The following CEPT1 variants were observed in gnomAD, a reference collection of about 807,000 sequenced individuals.
The protein encoded by CEPT1 is choline/ethanolamine phosphotransferase 1, also known as choline/ethanolaminephosphotransferase 1.
CEPT1 carries 7 observed loss-of-function variants against 42.6 expected under a neutral mutation model. The ratio of observed to expected loss-of-function variants is 0.16; its 90% CI spans 0.09 to 0.31. CEPT1 has a LOEUF of 0.31. Ranked by LOEUF, CEPT1 falls within the 10% of genes least tolerant of loss-of-function variation. The pLI, the probability that CEPT1 is intolerant of heterozygous loss-of-function variation, is 1.00. For missense variants in CEPT1, 306 were observed against 502.1 expected, an observed-to-expected ratio of 0.61 and a Z score of 3.73; for synonymous variants, 171 against 171.9, an observed-to-expected ratio of 0.99 and a Z score of 0.04.
chr1:111,181,295 T>G (rs183064405), intron 5 of CEPT1: 1 of 152,358 alleles, frequency 6.6e-6, no homozygotes, highest in Non-Finnish European at 1.5e-5. Flanking sequence ...ACTGTTGCTT[T>G]CTTTTCAATC....
chr1:111,175,004 G>C (rs1227965184), intron 5 of CEPT1, 41 bp downstream of exon 5: 1 of 1,194,592 alleles, frequency 8.4e-7, no homozygotes, highest in Non-Finnish European at 1.3e-6. Flanking sequence ...AATGCATGTT[G>C]TCTTTTGCTT....
intron 4 of CEPT1, among the ~76,000 whole-genome samples, chr1:111,164,502 C>G (rs1027146058): frequency 1.3e-5 from 2 of 152,116 alleles, no homozygotes; most frequent in Non-Finnish European, 2.9e-5. Flanking sequence ...GCAAAATACT[C>G]TTTAAGATAT....
At chr1:111,142,268 A>G (rs1015913735) in intron 1 of CEPT1, among the ~76,000 whole-genome samples, 2 of 152,142 alleles carry the variant, frequency 1.3e-5, no homozygotes, top group African/African-American at 4.8e-5. Flanking sequence ...GCACAAAGAA[A>G]ATTCTTTGTC....
intron 1 of CEPT1, among the ~76,000 whole-genome samples, chr1:111,140,780 G>T (rs571575697): frequency 4.6e-5 from 7 of 152,224 alleles, no homozygotes; most frequent in Non-Finnish European, 1.0e-4. Flanking sequence ...TAGGAATGCG[G>T]TGCTGATGTT....
intron 1 of CEPT1, among the ~76,000 whole-genome samples, chr1:111,145,650 G>A (rs928997449): frequency 2.6e-5 from 4 of 152,156 alleles, no homozygotes; most frequent in African/African-American, 9.7e-5. Context: ...ATGTTTTGTG[G>A]CATGTGACCC....
intron 4 of CEPT1, among the ~76,000 whole-genome samples, chr1:111,162,115 C>T (rs1655905704): frequency 6.6e-6 from 1 of 152,152 alleles, no homozygotes; most frequent in Non-Finnish European, 1.5e-5. Flanking sequence ...AATCAAGGTC[C>T]TGTGCTCTGC....
At chr1:111,141,456 T>C (rs1415457460) in intron 1 of CEPT1, among the ~76,000 whole-genome samples, 1 of 152,188 alleles carries the variant, frequency 6.6e-6, no homozygotes, top group Non-Finnish European at 1.5e-5. Context: ...TATTGCACAA[T>C]TTCTTTGTTT....
intron 4 of CEPT1, among the ~76,000 whole-genome samples, chr1:111,164,302 A>G (rs1309042968): frequency 6.6e-6 from 1 of 152,212 alleles, no homozygotes. Flanking sequence ...TACCTTGCAC[A>G]GAGAATATGA....
At chr1:111,165,356 C>T (rs1009245901) in intron 4 of CEPT1, among the ~76,000 whole-genome samples, 2 of 150,516 alleles carry the variant, frequency 1.3e-5, no homozygotes, top group African/African-American at 4.9e-5. Context: ...CCTAAAACAT[C>T]GGTCTTAAAA....
chr1:111,146,102 G>T (rs553847950), intron 1 of CEPT1, among the ~76,000 whole-genome samples: 284 of 144,998 alleles, frequency 2.0e-3, no homozygotes, highest in African/African-American at 6.9e-3. Context: ...TTTTTAAATG[G>T]TCTCTGTTCC....
intron 1 of CEPT1, among the ~76,000 whole-genome samples, chr1:111,145,323 T>A (rs1654899256): frequency 6.6e-6 from 1 of 152,252 alleles, no homozygotes; most frequent in South Asian, 2.1e-4. Context: ...ATATTTTTAT[T>A]TCAGGGCATC....
intron 3 of CEPT1, chr1:111,159,802 T>A (rs924001850): frequency 3.7e-6 from 1 of 270,314 alleles, no homozygotes; most frequent in Non-Finnish European, 7.0e-6. Context: ...ATCAAAACTC[T>A]TATGAACTAA....
Position 111,147,607 on chromosome 1 carries a change from G to A in CEPT1, c.-73-35G>A, listed in dbSNP as rs1351268032. 4 of 731,240 alleles carry A rather than the reference G, an allele frequency of 5.5e-6. No homozygotes were observed. The African/African-American group carries it at 7.2e-5, about 13-fold the overall frequency. 45.3% of individuals were successfully genotyped at this position (731,240 alleles called of 1,614,324 possible). A position where few individuals can be genotyped will look rare whatever the true frequency, so the allele number is the denominator to read the frequency against. Reference sequence around the variant, plus strand: ...AAGATGTAAATAGTGGCCAACAAGTGTATTTTTTAATTTTTATTTTATTTT... The same window carrying A: ...AAGATGTAAATAGTGGCCAACAAGTATATTTTTTAATTTTTATTTTATTTT... On this transcript the variant is annotated intron_variant, in intron 1 of 8. Coordinates refer to ENST00000357172, the MANE Select transcript of CEPT1 (RefSeq NM_006090.5).
At chr1:111,167,880 T>C in intron 4 of CEPT1, 1 of 655,150 alleles carries the variant, frequency 1.5e-6, no homozygotes, top group African/African-American at 2.0e-5. Context: ...CTAAAAGTAA[T>C]GTATCTTTTT....
At chr1:111,168,958 T>C (rs929428798) in intron 4 of CEPT1, among the ~76,000 whole-genome samples, 16 of 152,210 alleles carry the variant, frequency 1.1e-4, no homozygotes, top group Admixed American at 6.5e-5. Flanking sequence ...GTTCCTGATA[T>C]AAGGTGGTGT....
intron 2 of CEPT1, among the ~76,000 whole-genome samples, chr1:111,151,105 G>A (rs946407869): frequency 2.6e-5 from 4 of 151,618 alleles, no homozygotes; most frequent in African/African-American, 9.7e-5. Flanking sequence ...GGTAGTCAGA[G>A]CACTGCTTGT....
At chr1:111,143,644 C>T (rs963267313) in intron 1 of CEPT1, 1 of 151,652 alleles carries the variant, frequency 6.6e-6, no homozygotes, top group Non-Finnish European at 1.5e-5. Context: ...GTTACTTGTA[C>T]TGTGGTAAGA....
chr1:111,140,083 G>C (rs762964292), upstream of CEPT1: 2 of 152,398 alleles, frequency 1.3e-5, no homozygotes, highest in Non-Finnish European at 2.9e-5. Flanking sequence ...AAGCCCCTAT[G>C]CTAAAAGGAG....
intron 4 of CEPT1, among the ~76,000 whole-genome samples, chr1:111,163,533 A>G (rs1420399247): frequency 6.6e-6 from 1 of 152,076 alleles, no homozygotes. Context: ...CGCCCTGGAA[A>G]TAGAGGTTGC....
Sources: gnomAD v4.1 joint callset for allele counts (sites outside exome capture counted in the v4.1 genomes callset) on GRCh38, gnomAD v4.1.1 for gene constraint, MANE v1.5 for transcripts, NCBI Gene and HGNC (gene_info 2026-07-23, HGNC 2026-07-21) for gene names.